The following GNA14 variants were observed in gnomAD, a reference collection of about 807,000 sequenced individuals.
The protein encoded by GNA14 is G protein subunit alpha 14, also known as guanine nucleotide-binding protein subunit alpha-14.
In GNA14, 50 loss-of-function variants were observed where a neutral mutation model predicts 42.0. The ratio of observed to expected loss-of-function variants is 1.19; its 90% CI spans 0.95 to 1.51. The LOEUF (loss-of-function observed/expected upper bound fraction) is 1.51, where lower values mean the gene tolerates loss of function less well. GNA14 is among the 40% of genes most tolerant of loss of function. GNA14 has a pLI of 0.00. For missense variants in GNA14, 473 were observed against 446.2 expected (o/e 1.06, Z -0.54); for synonymous variants, 173 against 163.1 (o/e 1.06, Z -0.46).
At chr9:77,629,646 G>A (rs772000947) in intron 1 of GNA14, among the ~76,000 whole-genome samples, 3 of 152,096 alleles carry the variant, frequency 2.0e-5, no homozygotes, top group South Asian at 2.1e-4. Context: ...ACCAAACATC[G>A]CATGTTCTCA....
At chr9:77,615,203 T>G (rs561765572) in intron 1 of GNA14, among the ~76,000 whole-genome samples, 4 of 152,162 alleles carry the variant, frequency 2.6e-5, no homozygotes, top group Admixed American at 6.5e-5. Flanking sequence ...AGCCACTTGA[T>G]TCCTTCAGTC....
intron 2 of GNA14, among the ~76,000 whole-genome samples, chr9:77,490,548 T>C (rs7035506): frequency 0.55 from 83,222 of 152,008 alleles, 23,164 homozygotes; most frequent in East Asian, 0.84. Context: ...AGCTAAGGCC[T>C]GGTGAGAAAT....
chr9:77,435,645 C>T (rs1370855566), intron 2 of GNA14, among the ~76,000 whole-genome samples: 6 of 152,198 alleles, frequency 3.9e-5, no homozygotes, highest in Middle Eastern at 3.4e-3. Context: ...ACTATTACAG[C>T]GGTTACCATT....
intron 2 of GNA14, among the ~76,000 whole-genome samples, chr9:77,442,573 C>G (rs1175646531): frequency 2.0e-5 from 3 of 152,148 alleles, no homozygotes; most frequent in African/African-American, 7.2e-5. Context: ...GGATTGAGGT[C>G]TAAGACTCTG....
chr9:77,572,764 TG>T (rs1823078637), intron 1 of GNA14, among the ~76,000 whole-genome samples: 1 of 152,216 alleles, frequency 6.6e-6, no homozygotes, highest in South Asian at 2.1e-4. Flanking sequence ...GTGTGCCTCC[TG>T]GGGACTCTGT....
intron 1 of GNA14, among the ~76,000 whole-genome samples, chr9:77,604,867 T>C (rs949614927): frequency 6.6e-6 from 1 of 152,192 alleles, no homozygotes; most frequent in Non-Finnish European, 1.5e-5. Context: ...TGATTCAGCA[T>C]CCCCCAACAT....
chr9:77,643,440 TG>T (rs1443802788), intron 1 of GNA14, among the ~76,000 whole-genome samples: 1 of 152,104 alleles, frequency 6.6e-6, no homozygotes, highest in Non-Finnish European at 1.5e-5. Context: ...TGTTTCTCCA[TG>T]TTTGTCAGGC....
At chr9:77,612,663 TA>T (rs894428019) in intron 1 of GNA14, among the ~76,000 whole-genome samples, 6,195 of 140,306 alleles carry the variant, frequency 0.044, 145 homozygotes, top group Non-Finnish European at 0.057. Context: ...GGCTATTATT[TA>T]AAAAAAAAAA....
intron 2 of GNA14, among the ~76,000 whole-genome samples, chr9:77,503,374 G>GA (rs779755708): frequency 6.6e-5 from 10 of 152,156 alleles, no homozygotes; most frequent in Non-Finnish European, 1.3e-4. Flanking sequence ...CTAGATGAGA[G>GA]AGGCACCCAA....
intron 2 of GNA14, among the ~76,000 whole-genome samples, chr9:77,472,994 G>A (rs1237418322): frequency 6.6e-6 from 1 of 152,176 alleles, no homozygotes; most frequent in Non-Finnish European, 1.5e-5. Context: ...TGCTATAGCA[G>A]CCTGAACTGA....
intron 1 of GNA14, among the ~76,000 whole-genome samples, chr9:77,638,605 C>A (rs1457837059): frequency 1.3e-5 from 2 of 152,140 alleles, no homozygotes; most frequent in Non-Finnish European, 2.9e-5. Flanking sequence ...TTGGCTTCAG[C>A]CCAGCAAACC....
chr9:77,592,690 C>A (rs929111903), intron 1 of GNA14, among the ~76,000 whole-genome samples: 1 of 152,172 alleles, frequency 6.6e-6, no homozygotes, highest in Non-Finnish European at 1.5e-5. Context: ...AGATCTTCAA[C>A]CCTTCATAAA....
chr9:77,624,735 A>C (rs1823987731), intron 1 of GNA14, among the ~76,000 whole-genome samples: 2 of 152,170 alleles, frequency 1.3e-5, no homozygotes, highest in African/African-American at 4.8e-5. Flanking sequence ...TCCACTCAGA[A>C]ACCCCATCCA....
intron 1 of GNA14, among the ~76,000 whole-genome samples, chr9:77,555,831 G>T (rs72730900): frequency 0.012 from 1,809 of 152,308 alleles, 26 homozygotes; most frequent in African/African-American, 0.038. Context: ...GGAGTGTACT[G>T]AATCTATAGC....
At chr9:77,600,249 C>T (rs1358142304) in intron 1 of GNA14, among the ~76,000 whole-genome samples, 4 of 152,172 alleles carry the variant, frequency 2.6e-5, no homozygotes, top group African/African-American at 4.8e-5. Context: ...CCTTTTCTTC[C>T]GTGCAATTCG....
At chr9:77,451,548 C>T (rs1309670438) in intron 2 of GNA14, among the ~76,000 whole-genome samples, 2 of 151,514 alleles carry the variant, frequency 1.3e-5, no homozygotes, top group African/African-American at 4.9e-5. Context: ...TGTGTAGGTC[C>T]GTCTCTCTTC....
intron 2 of GNA14, among the ~76,000 whole-genome samples, chr9:77,527,250 G>C (rs952426290): frequency 1.3e-5 from 2 of 151,994 alleles, no homozygotes; most frequent in African/African-American, 4.8e-5. Context: ...CATTAGAAAG[G>C]GTAAGTAAAA....
chr9:77,458,049 T>A (rs1836036014), intron 2 of GNA14, among the ~76,000 whole-genome samples: 1 of 152,206 alleles, frequency 6.6e-6, no homozygotes, highest in South Asian at 2.1e-4. Flanking sequence ...GTTTTCCTTT[T>A]GTAGTGATAG....
In GNA14 at chr9:77,623,610, G is replaced by A. The variant is rs149239270; in HGVS notation, c.124+24060C>T. Among the ~76,000 whole-genome samples the A allele has an allele frequency of 5.3e-4, 81 of 152,268 alleles. No homozygotes were observed. In the East Asian group the frequency reaches 0.013, roughly 25 times the overall value. ...TGGGATTGGTTAGAGTGGGTGCAACGCACGGAGAGTGAGCCAAAGCAGGGT... is the reference window on the plus strand; with the variant it reads ...TGGGATTGGTTAGAGTGGGTGCAACACACGGAGAGTGAGCCAAAGCAGGGT... On this transcript the variant is annotated intron_variant, in intron 1 of 6. Coordinates refer to ENST00000341700, the MANE Select transcript of GNA14 (RefSeq NM_004297.4).
Sources: allele counts gnomAD v4.1 joint callset (sites outside exome capture counted in the v4.1 genomes callset), GRCh38; gene constraint gnomAD v4.1.1; transcripts MANE v1.5; gene names NCBI Gene and HGNC (gene_info 2026-07-23, HGNC 2026-07-21).